Variants in NBEA observed in about 807,000 individuals in gnomAD.
The protein encoded by NBEA is lysosomal-trafficking regulator 2.
In NBEA, 44 loss-of-function variants were observed where a neutral mutation model predicts 343.4. The ratio of observed to expected loss-of-function variants is 0.13; its 90% CI spans 0.10 to 0.16. The LOEUF (loss-of-function observed/expected upper bound fraction) is 0.16. NBEA is among the 10% of genes least tolerant of loss of function. The pLI, the probability that NBEA is intolerant of heterozygous loss-of-function variation, is 1.00. For missense variants in NBEA, 2,555 were observed against 3,631.3 expected (o/e 0.70, Z 7.62); for synonymous variants, 1,175 against 1,238.7 (o/e 0.95, Z 1.08).
Position 35,173,515 on chromosome 13 carries a change from A to T in NBEA, c.4475A>T (p.Asp1492Val), listed in dbSNP as rs1344830861. The part of the protein sequence containing the change: ...NCLECRQRQR[D>V]RGNKSSHGSS... Reference sequence around the variant, plus strand: ...TTAGAATGTCGGCAAAGACAGAGAGACAGGGGAAATAAATCTTCCCATGGA... The same window carrying T: ...TTAGAATGTCGGCAAAGACAGAGAGTCAGGGGAAATAAATCTTCCCATGGA... Residue 1492 changes from aspartate (D) to valine (V), a missense_variant, in exon 27 of 59, where the codon GAC becomes GTC. Physicochemically the swap from Asp to Val is radical, Grantham distance 152. Transcript: ENST00000379939. 12 of 1,610,756 alleles carry T rather than the reference A, an allele frequency of 7.4e-6. No homozygotes were observed. The highest frequency in any genetic ancestry group is 1.3e-5 in the African/African-American group (1 of 74,822).
chr13:35,341,196 A>G (rs1016529668), intron 36 of NBEA, among the ~76,000 whole-genome samples: 1 of 152,034 alleles, frequency 6.6e-6, no homozygotes, highest in African/African-American at 2.4e-5. Context: ...GAACAACTGG[A>G]TATCAACAGG....
At chr13:35,346,478 G>A (rs551494337) in intron 36 of NBEA, among the ~76,000 whole-genome samples, 1 of 152,192 alleles carries the variant, frequency 6.6e-6, no homozygotes, top group Non-Finnish European at 1.5e-5. Context: ...CAGTGATTAA[G>A]ACTGTATGTT....
At chr13:35,053,113 A>G (rs2063123020) in intron 6 of NBEA, among the ~76,000 whole-genome samples, 2 of 152,062 alleles carry the variant, frequency 1.3e-5, no homozygotes. Context: ...TTTTATCTTT[A>G]TCCACACTTG....
chr13:35,594,698 A>G (rs1198275981), intron 47 of NBEA, among the ~76,000 whole-genome samples: 1 of 152,084 alleles, frequency 6.6e-6, no homozygotes, highest in Non-Finnish European at 1.5e-5. Flanking sequence ...TCTGTTTCTT[A>G]TATAATAACA....
intron 18 of NBEA, among the ~76,000 whole-genome samples, chr13:35,145,105 T>C (rs1010628715): frequency 6.6e-6 from 1 of 152,212 alleles, no homozygotes; most frequent in Non-Finnish European, 1.5e-5. Flanking sequence ...TGTGGTTTAT[T>C]ACTGTGCAAA....
rs1173849645 is a variant in NBEA at position 35,069,787 on chromosome 13, A to AGGTG, written c.1240-120_1240-119insGTGG. 6 of 530,154 alleles carry AGGTG rather than the reference A, an allele frequency of 1.1e-5. No individual in the cohort carries two copies. In the African/African-American group the frequency reaches 1.2e-4, roughly 10 times the overall value. 32.8% of individuals were successfully genotyped at this position (530,154 alleles called of 1,614,324 possible). A position where few individuals can be genotyped will look rare whatever the true frequency, so the allele number is the denominator to read the frequency against. The stretch of plus-strand genomic sequence containing the variant: ...AACAAAGTAAGTAATACCACTGAAT[A>AGGTG]GTCCCTGACACATGAAAGGTACACA... On this transcript the variant is annotated intron_variant, in intron 8 of 58. Coordinates refer to ENST00000379939, the MANE Select transcript of NBEA (RefSeq NM_001385012.1).
At chr13:35,062,387 C>T (rs1054346515) in intron 8 of NBEA, among the ~76,000 whole-genome samples, 15 of 151,444 alleles carry the variant, frequency 9.9e-5, no homozygotes, top group African/African-American at 3.6e-4. Context: ...TTTGAAAGGT[C>T]TAATAGGCAC....
intron 58 of NBEA, among the ~76,000 whole-genome samples, chr13:35,670,305 C>T (rs1423711093): frequency 1.3e-5 from 2 of 152,062 alleles, no homozygotes; most frequent in Non-Finnish European, 2.9e-5. Context: ...GGTGACTTAA[C>T]CAGCAAAAGA....
chr13:35,128,265 C>T (rs2067234064), intron 17 of NBEA, among the ~76,000 whole-genome samples: 1 of 151,406 alleles, frequency 6.6e-6, no homozygotes, highest in East Asian at 1.9e-4. Flanking sequence ...AAGTAGGAAC[C>T]ATGATCTTAG....
intron 41 of NBEA, among the ~76,000 whole-genome samples, chr13:35,505,384 T>C (rs531466535): frequency 2.6e-5 from 4 of 152,288 alleles, no homozygotes; most frequent in Admixed American, 6.5e-5. Flanking sequence ...AGTTAAACCA[T>C]GGCGACCTAT....
intron 1 of NBEA, among the ~76,000 whole-genome samples, chr13:34,992,428 G>A (rs938727018): frequency 7.3e-5 from 11 of 149,838 alleles, no homozygotes; most frequent in Non-Finnish European, 1.6e-4. Context: ...CTACTTTTTT[G>A]TATTTTTAGG....
chr13:35,560,985 C>T (rs942431305), intron 44 of NBEA, among the ~76,000 whole-genome samples: 8 of 152,158 alleles, frequency 5.3e-5, no homozygotes, highest in Non-Finnish European at 7.4e-5. Context: ...GATTGAGCCG[C>T]AAGAAGCTGC....
chr13:34,977,841 G>T (rs1432092424), intron 1 of NBEA, among the ~76,000 whole-genome samples: 2 of 151,868 alleles, frequency 1.3e-5, no homozygotes, highest in Non-Finnish European at 2.9e-5. Context: ...TTTGAGACAG[G>T]TTTTTGCTCT....
intron 41 of NBEA, among the ~76,000 whole-genome samples, chr13:35,541,304 T>G (rs1333861232): frequency 6.6e-6 from 1 of 151,898 alleles, no homozygotes; most frequent in Non-Finnish European, 1.5e-5. Context: ...TTTGTGATTT[T>G]CCACCAAACT....
intron 48 of NBEA, among the ~76,000 whole-genome samples, chr13:35,625,904 G>A (rs2153064081): frequency 6.6e-6 from 1 of 152,236 alleles, no homozygotes; most frequent in East Asian, 1.9e-4. Context: ...GTCATGCATT[G>A]CTAGAGAGTG....
chr13:35,506,228 A>AAT (rs1485644779), intron 41 of NBEA, among the ~76,000 whole-genome samples: 6 of 151,902 alleles, frequency 3.9e-5, no homozygotes, highest in Admixed American at 6.6e-5. Flanking sequence ...ACACTCAGCT[A>AAT]ATATATATAT....
chr13:35,553,612 T>A (rs569025857), intron 43 of NBEA, among the ~76,000 whole-genome samples: 1 of 152,148 alleles, frequency 6.6e-6, no homozygotes, highest in Non-Finnish European at 1.5e-5. Context: ...TTGCAAGATA[T>A]CTTTGCAAGA....
chr13:35,558,495 G>A (rs1308772305), intron 44 of NBEA, among the ~76,000 whole-genome samples: 2 of 152,116 alleles, frequency 1.3e-5, no homozygotes, highest in Non-Finnish European at 2.9e-5. Flanking sequence ...TTTTGGATGA[G>A]CATATGGCAG....
At chr13:35,545,459 T>G (rs1417661363) in intron 41 of NBEA, among the ~76,000 whole-genome samples, 1 of 152,168 alleles carries the variant, frequency 6.6e-6, no homozygotes, top group Non-Finnish European at 1.5e-5. Context: ...CCCTGGGGTA[T>G]AGTCCAAGGA....
Sources: allele counts gnomAD v4.1 joint callset (sites outside exome capture counted in the v4.1 genomes callset), GRCh38; gene constraint gnomAD v4.1.1; transcripts MANE v1.5; gene names NCBI Gene and HGNC (gene_info 2026-07-23, HGNC 2026-07-21).